The following IGSF10 variants were observed in gnomAD, a reference collection of about 807,000 sequenced individuals.
The protein encoded by IGSF10 is immunoglobulin superfamily member 10.
Under a neutral mutation model 128.2 loss-of-function variants are expected in IGSF10, and 126 were observed. The ratio of observed to expected loss-of-function variants is 0.98; its 90% CI spans 0.85 to 1.14. The LOEUF (loss-of-function observed/expected upper bound fraction) is 1.14, where lower values mean the gene tolerates loss of function less well. Ranked by LOEUF, IGSF10 falls within the 50% of genes most tolerant of loss-of-function variation. The probability of loss-of-function intolerance (pLI) is 0.00; values close to 1 mark genes in which losing one functional copy is unlikely to be tolerated. For synonymous variants in IGSF10, 1,185 were observed against 1,146.2 expected, an observed-to-expected ratio of 1.03 and a Z score of -0.68; for missense variants, 3,295 against 3,149.8, an observed-to-expected ratio of 1.05 and a Z score of -1.10.
At chr3:151,469,184 T>C in the IGSF10 span, among the ~76,000 whole-genome samples, 2 of 152,250 alleles carry the variant, frequency 1.3e-5, no homozygotes, top group South Asian at 4.1e-4. Flanking sequence ...TCGTGAATAG[T>C]GCTGCAATGA....
chr3:151,490,785 C>A, the IGSF10 span, among the ~76,000 whole-genome samples: 1 of 151,890 alleles, frequency 6.6e-6, no homozygotes, highest in Admixed American at 6.6e-5. Flanking sequence ...ACCAATAAGT[C>A]AACAAATAAA....
intron 7 of IGSF10, among the ~76,000 whole-genome samples, chr3:151,439,399 G>T (rs1720698234): frequency 1.3e-5 from 2 of 152,202 alleles, no homozygotes; most frequent in African/African-American, 4.8e-5. Context: ...GATCACTTGA[G>T]GGCAGGAGTT....
rs1287114512 is a variant in IGSF10, at chr3:151,438,399, T to C, written c.6162A>G (p.Lys2054=). 6.2e-7 allele frequency: 1 copy of C among 1,614,206 alleles called. No homozygotes were observed. The highest frequency in any genetic ancestry group is 8.5e-7 in the Non-Finnish European group (1 of 1,180,034). Residue 2054 remains lysine, a synonymous_variant, in exon 8 of 8, where the codon AAA becomes AAG. Coordinates refer to ENST00000282466, the MANE Select transcript of IGSF10 (RefSeq NM_178822.5). ...QYFRKQVLHG[K]DFQVDCKASG... Reference sequence around the variant, plus strand: ...AAGCTTTGCAATCTACTTGGAAATCTTTCCCATGGAGCACTTGCTTTCTAA... The same window carrying C: ...AAGCTTTGCAATCTACTTGGAAATCCTTCCCATGGAGCACTTGCTTTCTAA...
At chr3:151,592,612 T>C in the IGSF10 span, among the ~76,000 whole-genome samples, 1 of 152,184 alleles carries the variant, frequency 6.6e-6, no homozygotes, top group Non-Finnish European at 1.5e-5. Flanking sequence ...ATGGGAGATA[T>C]CACCTCATTC....
chr3:151,603,223 A>C, the IGSF10 span, among the ~76,000 whole-genome samples: 3 of 152,214 alleles, frequency 2.0e-5, no homozygotes, highest in African/African-American at 4.8e-5. Context: ...AGAAGGCCTC[A>C]CTGTGGAACT....
chr3:151,577,069 C>T, the IGSF10 span, among the ~76,000 whole-genome samples: 7 of 152,110 alleles, frequency 4.6e-5, no homozygotes, highest in South Asian at 4.1e-4. Flanking sequence ...CCTATGACAT[C>T]GGGTCTGTCA....
At chr3:151,481,797 C>T in the IGSF10 span, among the ~76,000 whole-genome samples, 1 of 152,150 alleles carries the variant, frequency 6.6e-6, no homozygotes, top group African/African-American at 2.4e-5. Context: ...ACTAAGATTT[C>T]CCACTGTGAG....
chr3:151,546,481 G>A, the IGSF10 span, among the ~76,000 whole-genome samples: 1 of 151,670 alleles, frequency 6.6e-6, no homozygotes, highest in Non-Finnish European at 1.5e-5. Context: ...CTGGGTAGCT[G>A]GGAGTACAGG....
At chr3:151,474,467 GTTA>G in the IGSF10 span, among the ~76,000 whole-genome samples, 2 of 152,140 alleles carry the variant, frequency 1.3e-5, no homozygotes, top group African/African-American at 2.4e-5. Flanking sequence ...AAGTTTCCAA[GTTA>G]TTATGATTTG....
At chr3:151,594,908 A>G in the IGSF10 span, among the ~76,000 whole-genome samples, 1 of 151,850 alleles carries the variant, frequency 6.6e-6, no homozygotes, top group Non-Finnish European at 1.5e-5. Flanking sequence ...ATTATTATGT[A>G]CCAATAAAGA....
At chr3:151,521,305 T>C in the IGSF10 span, among the ~76,000 whole-genome samples, 1 of 151,606 alleles carries the variant, frequency 6.6e-6, no homozygotes, top group Non-Finnish European at 1.5e-5. Flanking sequence ...CAGTATTAGA[T>C]CACCGAGTCA....
At chr3:151,484,306 G>A in the IGSF10 span, among the ~76,000 whole-genome samples, 2 of 152,210 alleles carry the variant, frequency 1.3e-5, no homozygotes, top group African/African-American at 4.8e-5. Context: ...CCCAGTCAGG[G>A]ACTTATAGAT....
At chr3:151,558,029 T>TATATATATATAATATATATATA in the IGSF10 span, among the ~76,000 whole-genome samples, 1 of 65,140 alleles carries the variant, frequency 1.5e-5, no homozygotes, top group Non-Finnish European at 3.3e-5. Flanking sequence ...ATATATATAT[T>TATATATATATAATATATATATA]GGTACAATAT....
At chr3:151,603,888 G>A in the IGSF10 span, among the ~76,000 whole-genome samples, 28 of 152,152 alleles carry the variant, frequency 1.8e-4, no homozygotes, top group African/African-American at 6.8e-4. Context: ...CTTTCCTCCT[G>A]GGGGATGGTC....
At chr3:151,496,542 C>A in the IGSF10 span, among the ~76,000 whole-genome samples, 1 of 36,614 alleles carries the variant, frequency 2.7e-5, no homozygotes, top group Non-Finnish European at 4.8e-5. Flanking sequence ...TTTATGGCTG[C>A]ATAGTATTCC....
In IGSF10 at chr3:151,453,733, T is replaced by C; in HGVS notation, c.366A>G (p.Lys122=). 4 of 1,588,782 alleles carry C rather than the reference T, an allele frequency of 2.5e-6. No homozygotes were observed. The Admixed American group carries it at 7.1e-5, about 28-fold the overall frequency. The change falls in exon 5 of 8, where the codon AAA becomes AAG. Residue 122 remains lysine, a synonymous_variant. Transcript: ENST00000282466. ...AGCTCCTGAGGCCATAAAAAGTATCTTTCTGAAGTTTTCGGACTTTATTAT... is the reference window on the plus strand; with the variant it reads ...AGCTCCTGAGGCCATAAAAAGTATCCTTCTGAAGTTTTCGGACTTTATTAT... The part of the protein sequence containing the change: ...MSYNKVRKLQ[K]DTFYGLRSLT...
At chr3:151,546,946 T>C in the IGSF10 span, among the ~76,000 whole-genome samples, 1 of 152,084 alleles carries the variant, frequency 6.6e-6, no homozygotes, top group Non-Finnish European at 1.5e-5. Context: ...AATTTTTATA[T>C]AATTAGTAGA....
At chr3:151,434,242 A>G (rs1470215093), downstream of IGSF10, 1 of 152,222 alleles carries the variant, frequency 6.6e-6, no homozygotes, top group East Asian at 1.9e-4. Context: ...AAATGTAGCT[A>G]GTACAACTTT....
chr3:151,595,992 A>G, the IGSF10 span, among the ~76,000 whole-genome samples: 1 of 152,142 alleles, frequency 6.6e-6, no homozygotes, highest in South Asian at 2.1e-4. Context: ...GAGGGTAGCT[A>G]TTTGAGATGA....
Sources: gnomAD v4.1 joint callset for allele counts (sites outside exome capture counted in the v4.1 genomes callset) on GRCh38, gnomAD v4.1.1 for gene constraint, MANE v1.5 for transcripts, NCBI Gene and HGNC (gene_info 2026-07-23, HGNC 2026-07-21) for gene names.